Variants in CNTN5 observed in about 807,000 individuals in gnomAD.
CNTN5 encodes contactin 5.
A neutral mutation model predicts 129.1 loss-of-function variants in CNTN5; 77 were observed. The ratio of observed to expected loss-of-function variants is 0.60; its 90% CI spans 0.50 to 0.72. The LOEUF (loss-of-function observed/expected upper bound fraction) is 0.72, where lower values mean the gene tolerates loss of function less well. Among genes scored for constraint, CNTN5 ranks in the 30% least tolerant of loss-of-function variants. The pLI is 0.00. For synonymous variants in CNTN5, 509 were observed against 465.6 expected (o/e 1.09, Z -1.20); for missense variants, 1,478 against 1,328.8 (o/e 1.11, Z -1.75).
At chr11:100,274,474 C>G (rs943995636) in intron 18 of CNTN5, among the ~76,000 whole-genome samples, 4 of 152,104 alleles carry the variant, frequency 2.6e-5, no homozygotes, top group South Asian at 2.1e-4. Flanking sequence ...AACTCTATAT[C>G]TGATAAAGGT....
chr11:99,397,261 T>G (rs1941573465), intron 2 of CNTN5, among the ~76,000 whole-genome samples: 1 of 151,784 alleles, frequency 6.6e-6, no homozygotes, highest in Admixed American at 6.6e-5. Flanking sequence ...AGAGGTAAAG[T>G]ACAATTCTCA....
intron 2 of CNTN5, among the ~76,000 whole-genome samples, chr11:99,451,330 G>A (rs1944293300): frequency 6.6e-6 from 1 of 152,092 alleles, no homozygotes; most frequent in Non-Finnish European, 1.5e-5. Context: ...CAAAAGTTAT[G>A]AGATGAAATT....
intron 16 of CNTN5, among the ~76,000 whole-genome samples, chr11:100,233,766 G>T (rs1949545149): frequency 6.6e-6 from 1 of 151,926 alleles, no homozygotes; most frequent in African/African-American, 2.4e-5. Context: ...CATTGCTTTT[G>T]GTGTTTTAGT....
At chr11:99,838,104 G>A (rs753447928) in intron 4 of CNTN5, among the ~76,000 whole-genome samples, 17 of 152,074 alleles carry the variant, frequency 1.1e-4, no homozygotes, top group Non-Finnish European at 2.4e-4. Context: ...GTAGAATTGG[G>A]TAAAAAACTG....
At chr11:100,069,594 G>T (rs1464420197) in intron 10 of CNTN5, among the ~76,000 whole-genome samples, 2 of 152,086 alleles carry the variant, frequency 1.3e-5, no homozygotes, top group Non-Finnish European at 2.9e-5. Context: ...GATCGAACAA[G>T]AACTATGTAG....
chr11:99,029,239 G>A (rs1310290292), intron 1 of CNTN5, among the ~76,000 whole-genome samples: 1 of 150,732 alleles, frequency 6.6e-6, no homozygotes, highest in Non-Finnish European at 1.5e-5. Context: ...TTTTTAATGA[G>A]ACACAATCCT....
intron 15 of CNTN5, among the ~76,000 whole-genome samples, chr11:100,212,200 CAAT>C (rs1277850590): frequency 9.9e-5 from 15 of 152,126 alleles, no homozygotes; most frequent in African/African-American, 3.6e-4. Flanking sequence ...AATTATCACT[CAAT>C]AATAATCTTG....
intron 13 of CNTN5, among the ~76,000 whole-genome samples, chr11:100,077,186 G>A (rs1460154096): frequency 6.6e-6 from 1 of 151,884 alleles, no homozygotes; most frequent in African/African-American, 2.4e-5. Context: ...AAATTTAAAT[G>A]GAAACAGAGG....
At chr11:100,297,526 C>A in intron 18 of CNTN5, 99 bp from the exon 19 acceptor site, 1 of 831,658 alleles carries the variant, frequency 1.2e-6, no homozygotes, top group Non-Finnish European at 2.0e-6. Context: ...TTAATATGAC[C>A]ATTCTGACTT....
At chr11:99,061,532 T>C (rs980260406) in intron 1 of CNTN5, among the ~76,000 whole-genome samples, 4 of 152,106 alleles carry the variant, frequency 2.6e-5, no homozygotes, top group African/African-American at 7.2e-5. Context: ...GTAACCACTC[T>C]GATCTACTTC....
Position 99,163,413 on chromosome 11 carries a change from T to C in CNTN5, c.-210+142143T>C, listed in dbSNP as rs1327881014. Among the ~76,000 whole-genome samples, 22 of 151,998 alleles carry C rather than the reference T, an allele frequency of 1.4e-4. No individual in the cohort carries two copies. The East Asian group carries it at 3.1e-3, about 21-fold the overall frequency. ...CTAGAATAATATTATTTGAGTTATG[T>C]ATGCTAGTTTTCTCCAATTATTTTA... On this transcript the variant is annotated intron_variant, in intron 1 of 24. Transcript: ENST00000524871.
At chr11:99,050,078 G>T (rs572526968) in intron 1 of CNTN5, among the ~76,000 whole-genome samples, 4 of 152,008 alleles carry the variant, frequency 2.6e-5, no homozygotes, top group Non-Finnish European at 5.9e-5. Flanking sequence ...TTTAAAACTT[G>T]TAAATTGGAA....
chr11:99,758,656 G>C (rs894537429), intron 3 of CNTN5, among the ~76,000 whole-genome samples: 17 of 152,050 alleles, frequency 1.1e-4, no homozygotes, highest in African/African-American at 4.1e-4. Flanking sequence ...TAAAAGAGAA[G>C]GGCTTCAGGG....
intron 1 of CNTN5, among the ~76,000 whole-genome samples, chr11:99,146,771 G>C (rs1286215440): frequency 3.3e-4 from 50 of 151,984 alleles, no homozygotes; most frequent in Admixed American, 3.2e-3. Flanking sequence ...ACCCAGACTA[G>C]GGTGCAGTGG....
chr11:99,076,689 A>G (rs530331886), intron 1 of CNTN5, among the ~76,000 whole-genome samples: 1 of 152,278 alleles, frequency 6.6e-6, no homozygotes, highest in African/African-American at 2.4e-5. Context: ...CTACTGTAGT[A>G]TGACATGATT....
intron 10 of CNTN5, among the ~76,000 whole-genome samples, chr11:100,062,951 A>T (rs1284383309): frequency 6.6e-6 from 1 of 152,180 alleles, no homozygotes; most frequent in Non-Finnish European, 1.5e-5. Context: ...CAACAGTTTG[A>T]AGTATTACCA....
chr11:99,850,435 A>C (rs1354497386), intron 6 of CNTN5, among the ~76,000 whole-genome samples: 1 of 152,160 alleles, frequency 6.6e-6, no homozygotes, highest in African/African-American at 2.4e-5. Flanking sequence ...TGTAGCAAAA[A>C]TAAAATTATA....
At chr11:99,869,416 T>C (rs1948442486) in intron 6 of CNTN5, among the ~76,000 whole-genome samples, 1 of 152,314 alleles carries the variant, frequency 6.6e-6, no homozygotes, top group Non-Finnish European at 1.5e-5. Context: ...ATTTTGAATA[T>C]ATCTTACATT....
At chr11:99,259,405 A>T (rs1280809329) in intron 1 of CNTN5, among the ~76,000 whole-genome samples, 2 of 151,892 alleles carry the variant, frequency 1.3e-5, no homozygotes, top group African/African-American at 2.4e-5. Flanking sequence ...TTGCTTAAAA[A>T]GTGAGATCAT....
Sources: allele counts gnomAD v4.1 joint callset (sites outside exome capture counted in the v4.1 genomes callset), GRCh38; gene constraint gnomAD v4.1.1; transcripts MANE v1.5; gene names NCBI Gene and HGNC (gene_info 2026-07-23, HGNC 2026-07-21).